Variants in PRELID2 observed in about 807,000 individuals in gnomAD.
The protein encoded by PRELID2 is PRELI domain-containing protein 2.
A neutral mutation model predicts 28.4 loss-of-function variants in PRELID2; 25 were observed. The observed-to-expected ratio is 0.88, with a 90% CI of 0.64 to 1.23. The LOEUF is 1.23. Ranked by LOEUF, PRELID2 falls within the 50% of genes most tolerant of loss-of-function variation. PRELID2 has a pLI of 0.00. For synonymous variants in PRELID2, 76 were observed against 71.6 expected, an observed-to-expected ratio of 1.06 and a Z score of -0.31; for missense variants, 201 against 214.4, an observed-to-expected ratio of 0.94 and a Z score of 0.39.
chr5:145,764,871 G>C (rs1186359823), intron 6 of PRELID2, 60 bp downstream of exon 6: 8 of 1,239,370 alleles, frequency 6.5e-6, no homozygotes, highest in East Asian at 2.3e-5. Flanking sequence ...AGAATACCAG[G>C]CTGATAAGCA....
In PRELID2 at chr5:145,757,406, C is replaced by A. The variant is rs1757290310; in HGVS notation, c.*3130G>T. ...ATCGCTGGGGAAAGGGACTGAGAAC[C>A]TGCACGTTAGCACGTTGCCCCAAAG... On this transcript the variant is annotated 3_prime_UTR_variant, in exon 7 of 7. Coordinates refer to ENST00000683046, the MANE Select transcript of PRELID2 (RefSeq NM_205846.3). 6.6e-6 allele frequency among the ~76,000 whole-genome samples: 1 copy of A among 152,180 alleles called. No individual in the cohort carries two copies. The highest frequency in any genetic ancestry group is 6.5e-5 in the Admixed American group (1 of 15,280).
the PRELID2 span, among the ~76,000 whole-genome samples, chr5:145,280,947 T>A: frequency 3.9e-5 from 6 of 152,136 alleles, no homozygotes; most frequent in African/African-American, 1.4e-4. Flanking sequence ...GCATTTTTTT[T>A]ACGTAATGGA....
chr5:145,487,007 C>T (rs540240008), intron 1 of PRELID2, among the ~76,000 whole-genome samples: 32 of 144,840 alleles, frequency 2.2e-4, no homozygotes, highest in African/African-American at 4.4e-4. Flanking sequence ...AACCAAACAC[C>T]GCATATTCTC....
chr5:145,320,196 A>T, the PRELID2 span, among the ~76,000 whole-genome samples: 3 of 151,844 alleles, frequency 2.0e-5, no homozygotes, highest in Non-Finnish European at 4.4e-5. Flanking sequence ...AGTTTTCCTG[A>T]GTGCTCCTTA....
chr5:145,567,342 G>GATGGT (rs1304708290), intron 1 of PRELID2, among the ~76,000 whole-genome samples: 6 of 108,828 alleles, frequency 5.5e-5, no homozygotes, highest in Non-Finnish European at 1.1e-4. Context: ...CATGAGATCT[G>GATGGT]ATGGTTTGGT....
At chr5:145,302,509 TTTTA>T in the PRELID2 span, among the ~76,000 whole-genome samples, 1 of 152,066 alleles carries the variant, frequency 6.6e-6, no homozygotes, top group Admixed American at 6.6e-5. Flanking sequence ...TGGTATATAT[TTTTA>T]TTTTTTACCT....
chr5:145,362,815 G>C, the PRELID2 span, among the ~76,000 whole-genome samples: 1 of 152,076 alleles, frequency 6.6e-6, no homozygotes, highest in African/African-American at 2.4e-5. Flanking sequence ...TGTTTTGGCT[G>C]CCATGAAAGG....
At chr5:145,407,145 C>A in the PRELID2 span, among the ~76,000 whole-genome samples, 1 of 152,278 alleles carries the variant, frequency 6.6e-6, no homozygotes, top group African/African-American at 2.4e-5. Context: ...GCTGATAGTG[C>A]AGATAGGTAT....
chr5:145,470,069 C>T (rs954907320), downstream of PRELID2, among the ~76,000 whole-genome samples: 1 of 152,160 alleles, frequency 6.6e-6, no homozygotes, highest in African/African-American at 2.4e-5. Context: ...AACTATAACA[C>T]ATCCAATCTA....
the PRELID2 span, among the ~76,000 whole-genome samples, chr5:145,257,177 G>A: frequency 6.6e-6 from 1 of 151,878 alleles, no homozygotes; most frequent in African/African-American, 2.4e-5. Context: ...ATTTAACAGT[G>A]TAATGTGTGG....
chr5:145,648,081 T>C (rs13436854), intron 1 of PRELID2, among the ~76,000 whole-genome samples: 9,228 of 152,242 alleles, frequency 0.061, 942 homozygotes, highest in African/African-American at 0.21. Flanking sequence ...ATGAGTATAA[T>C]TAGTAAAGTT....
intron 1 of PRELID2, among the ~76,000 whole-genome samples, chr5:145,676,863 G>T (rs1754828161): frequency 6.6e-6 from 1 of 152,046 alleles, no homozygotes; most frequent in Non-Finnish European, 1.5e-5. Flanking sequence ...TAGACTACAA[G>T]AAACTCTACT....
At chr5:145,568,234 T>A (rs1752985026) in intron 1 of PRELID2, among the ~76,000 whole-genome samples, 1 of 152,202 alleles carries the variant, frequency 6.6e-6, no homozygotes, top group African/African-American at 2.4e-5. Context: ...CCAAGTGCAC[T>A]CTAATAGAGA....
intron 4 of PRELID2, among the ~76,000 whole-genome samples, chr5:145,803,521 G>A (rs1204107881): frequency 6.6e-6 from 1 of 152,014 alleles, no homozygotes; most frequent in African/African-American, 2.4e-5. Context: ...ACCCACCCAC[G>A]TAGTAAGTTC....
chr5:145,324,578 A>G, the PRELID2 span, among the ~76,000 whole-genome samples: 6 of 152,318 alleles, frequency 3.9e-5, no homozygotes, highest in Admixed American at 1.3e-4. Context: ...TTCTTGCCAA[A>G]TAAGTCTTGT....
chr5:145,308,462 G>A, the PRELID2 span, among the ~76,000 whole-genome samples: 2 of 152,028 alleles, frequency 1.3e-5, no homozygotes, highest in Non-Finnish European at 2.9e-5. Flanking sequence ...ATTCCTAGTC[G>A]AATTTCTTCT....
At chr5:145,559,834 G>C (rs1424544413) in intron 1 of PRELID2, among the ~76,000 whole-genome samples, 1 of 27,124 alleles carries the variant, frequency 3.7e-5, no homozygotes, top group East Asian at 1.9e-3. Flanking sequence ...GGTAAAAAGA[G>C]GTAAAAAAAA....
intron 1 of PRELID2, among the ~76,000 whole-genome samples, chr5:145,481,283 C>T (rs185741599): frequency 7.2e-5 from 11 of 151,878 alleles, no homozygotes; most frequent in South Asian, 2.1e-4. Context: ...TTTTTCCTAC[C>T]TTTTTTCTTT....
At chr5:145,262,247 G>T in the PRELID2 span, among the ~76,000 whole-genome samples, 4 of 151,934 alleles carry the variant, frequency 2.6e-5, no homozygotes, top group Non-Finnish European at 4.4e-5. Context: ...AAAAAGAAGA[G>T]AAATCTAAGT....
Sources: allele counts gnomAD v4.1 joint callset (sites outside exome capture counted in the v4.1 genomes callset), GRCh38; gene constraint gnomAD v4.1.1; transcripts MANE v1.5; gene names NCBI Gene and HGNC (gene_info 2026-07-23, HGNC 2026-07-21).